NAV2: variants seen among roughly 807,000 people sequenced by gnomAD.
NAV2 encodes helicase, APC down-regulated 1.
NAV2 carries 54 observed loss-of-function variants against 223.2 expected under a neutral mutation model. That is an observed-to-expected ratio of 0.24 (90% CI 0.19 to 0.30). The LOEUF is 0.30. Ranked by LOEUF, NAV2 falls within the 10% of genes least tolerant of loss-of-function variation. The pLI is 1.00. For missense variants in NAV2, 2,806 were observed against 3,147.5 expected (o/e 0.89, Z 2.60); for synonymous variants, 1,279 against 1,239.3 (o/e 1.03, Z -0.67).
chr11:20,048,084 T>A (rs1455108328), intron 14 of NAV2, among the ~76,000 whole-genome samples: 1 of 152,210 alleles, frequency 6.6e-6, no homozygotes, highest in East Asian at 1.9e-4. Flanking sequence ...CCACCCAGTG[T>A]GTCTGGTCTA....
chr11:19,752,365 T>C (rs1407464306), intron 1 of NAV2, among the ~76,000 whole-genome samples: 1 of 152,162 alleles, frequency 6.6e-6, no homozygotes, highest in African/African-American at 2.4e-5. Flanking sequence ...CAGCAGTAAA[T>C]GCATAATCAC....
chr11:19,447,139 G>T (rs1851615316), intron 1 of NAV2, among the ~76,000 whole-genome samples: 1 of 152,176 alleles, frequency 6.6e-6, no homozygotes, highest in Admixed American at 6.5e-5. Flanking sequence ...GGTAAAAGAG[G>T]TTTATCTGCT....
At chr11:19,505,609 C>A (rs1714671794) in intron 1 of NAV2, 1 of 152,172 alleles carries the variant, frequency 6.6e-6, no homozygotes, top group African/African-American at 2.4e-5. Flanking sequence ...TACTGGCCAG[C>A]AAGCTGGAAT....
intron 1 of NAV2, among the ~76,000 whole-genome samples, chr11:19,742,804 T>G (rs1176379032): frequency 3.9e-5 from 6 of 152,270 alleles, no homozygotes; most frequent in African/African-American, 1.4e-4. Context: ...TCTGCACTGC[T>G]GTACCTGGAA....
intron 3 of NAV2, among the ~76,000 whole-genome samples, chr11:19,851,247 C>T (rs1018873347): frequency 1.2e-4 from 18 of 151,912 alleles, no homozygotes; most frequent in African/African-American, 3.6e-4. Context: ...AAGCCTGGCT[C>T]GAGAGTCTAC....
At chr11:19,369,876 T>C (rs1246230253) in intron 1 of NAV2, among the ~76,000 whole-genome samples, 1 of 152,224 alleles carries the variant, frequency 6.6e-6, no homozygotes, top group Non-Finnish European at 1.5e-5. Context: ...ACCAGTCTGA[T>C]AAATTTCCAA....
At chr11:19,408,167 C>T (rs1043570855) in intron 1 of NAV2, among the ~76,000 whole-genome samples, 2 of 152,124 alleles carry the variant, frequency 1.3e-5, no homozygotes, top group Non-Finnish European at 1.5e-5. Flanking sequence ...GACACCTGCA[C>T]GTGGGGATGC....
intron 37 of NAV2, 129 bp downstream of exon 37, chr11:20,114,924 G>T: frequency 1.1e-6 from 1 of 893,032 alleles, no homozygotes; most frequent in South Asian, 1.8e-5. Context: ...GGACCCAAAT[G>T]ACTGGGCCAT....
intron 3 of NAV2, among the ~76,000 whole-genome samples, chr11:19,861,282 G>T (rs538178111): frequency 1.3e-5 from 2 of 152,150 alleles, no homozygotes; most frequent in Non-Finnish European, 2.9e-5. Flanking sequence ...CATGACATCA[G>T]GTTACGGAGA....
At chr11:19,767,716 G>A (rs915305808) in intron 1 of NAV2, among the ~76,000 whole-genome samples, 2 of 152,198 alleles carry the variant, frequency 1.3e-5, no homozygotes, top group East Asian at 1.9e-4. Flanking sequence ...GCAGATGAGC[G>A]AGCAGGGCAT....
At chr11:19,411,288 T>C (rs1374054421) in intron 1 of NAV2, among the ~76,000 whole-genome samples, 2 of 152,142 alleles carry the variant, frequency 1.3e-5, no homozygotes, top group African/African-American at 4.8e-5. Flanking sequence ...CTGAAGCCAT[T>C]GAAAGCCACT....
chr11:19,587,153 C>CT (rs2045927553), intron 1 of NAV2, among the ~76,000 whole-genome samples: 1 of 152,196 alleles, frequency 6.6e-6, no homozygotes, highest in African/African-American at 2.4e-5. Context: ...GAGCAAGGCT[C>CT]TGTGGGCATA....
At chr11:19,675,710 C>T (rs2048695179) in intron 1 of NAV2, among the ~76,000 whole-genome samples, 1 of 152,208 alleles carries the variant, frequency 6.6e-6, no homozygotes, top group African/African-American at 2.4e-5. Flanking sequence ...TACCAACCTG[C>T]ATGGCCAGTC....
intron 1 of NAV2, among the ~76,000 whole-genome samples, chr11:19,483,795 G>C (rs2042353240): frequency 6.6e-6 from 1 of 152,082 alleles, no homozygotes. Flanking sequence ...AACCACTGGG[G>C]GTCTAGAAAT....
chr11:19,562,295 T>C (rs1468373474), intron 1 of NAV2, among the ~76,000 whole-genome samples: 3 of 152,208 alleles, frequency 2.0e-5, no homozygotes, highest in South Asian at 2.1e-4. Context: ...CAAGTTATTA[T>C]GCCTGACCAC....
At chr11:19,840,834 C>G (rs575197653) in intron 2 of NAV2, among the ~76,000 whole-genome samples, 1 of 152,328 alleles carries the variant, frequency 6.6e-6, no homozygotes, top group South Asian at 2.1e-4. Context: ...TAGTTCCACT[C>G]AACAAGTATT....
intron 1 of NAV2, among the ~76,000 whole-genome samples, chr11:19,824,177 A>T (rs1294876797): frequency 6.6e-6 from 1 of 152,216 alleles, no homozygotes. Flanking sequence ...TAATCTGTAA[A>T]GCAACTGTAT....
chr11:19,751,726 G>A lies in NAV2; in HGVS notation c.267+37764G>A, dbSNP rs370212905. 6.6e-5 allele frequency among the ~76,000 whole-genome samples: 10 copies of A among 152,110 alleles called. No individual in the cohort carries two copies. The East Asian group carries it at 1.2e-3, about 18-fold the overall frequency. ...GTATCACTACCTGTTTTCAAAGCAC[G>A]TATTTGCTTTTTGTCCTTCTCTTTC... On this transcript the variant is annotated intron_variant, in intron 1 of 37. Coordinates refer to ENST00000349880, the MANE Select transcript of NAV2 (RefSeq NM_145117.5).
intron 1 of NAV2, among the ~76,000 whole-genome samples, chr11:19,637,162 C>T (rs561852002): frequency 6.6e-6 from 1 of 152,300 alleles, no homozygotes; most frequent in Admixed American, 6.5e-5. Context: ...TTGTCCCTAT[C>T]CCAACAGAAA....
Sources: gnomAD v4.1 joint callset for allele counts (sites outside exome capture counted in the v4.1 genomes callset) on GRCh38, gnomAD v4.1.1 for gene constraint, MANE v1.5 for transcripts, NCBI Gene and HGNC (gene_info 2026-07-23, HGNC 2026-07-21) for gene names.